Variants in MEF2B observed in about 807,000 individuals in gnomAD.
The protein encoded by MEF2B is myocyte-specific enhancer factor 2B.
Under a neutral mutation model 32.2 loss-of-function variants are expected in MEF2B, and 15 were observed. The ratio of observed to expected loss-of-function variants is 0.47; its 90% confidence interval spans 0.31 to 0.72. The LOEUF (loss-of-function observed/expected upper bound fraction) is 0.72. Among genes scored for constraint, MEF2B ranks in the 30% least tolerant of loss-of-function variants. The probability of loss-of-function intolerance (pLI) is 0.05; values close to 1 mark genes in which losing one functional copy is unlikely to be tolerated. For synonymous variants in MEF2B, 205 were observed against 225.6 expected (o/e 0.91, Z 0.82); for missense variants, 441 against 511.5 (o/e 0.86, Z 1.33).
In MEF2B at chr19:19,145,704, G is replaced by A; in HGVS notation, c.*93C>T. ...CCGCGGAGGGGGGCGTCACTGTTGGGTCTTCTCTGAAGAGGCCTGGAGGGA... is the reference window on the plus strand; with the variant it reads ...CCGCGGAGGGGGGCGTCACTGTTGGATCTTCTCTGAAGAGGCCTGGAGGGA... On this transcript the variant is annotated 3_prime_UTR_variant, in exon 9 of 9. Coordinates refer to ENST00000424583, the MANE Select transcript of MEF2B (RefSeq NM_001145785.2). This position sits in a 1 kb window ranked among gnomAD's most constrained non-coding sequence, Gnocchi z 4.6. 1.9e-6 allele frequency: 3 copies of A among 1,554,654 alleles called. No homozygotes were observed. Among genetic ancestry groups the A allele is most frequent in the African/African-American group, 2.7e-5 (2 of 73,818 alleles).
chr19:19,161,471 C>T (rs909688800), intron 1 of MEF2B, among the ~76,000 whole-genome samples: 1 of 151,870 alleles, frequency 6.6e-6, no homozygotes, highest in African/African-American at 2.4e-5. Flanking sequence ...TACGCCAAAC[C>T]CCCCAACCCA....
At chr19:19,158,322 A>C (rs1367773989) in intron 1 of MEF2B, among the ~76,000 whole-genome samples, 1 of 81,630 alleles carries the variant, frequency 1.2e-5, no homozygotes, top group Non-Finnish European at 2.4e-5. Flanking sequence ...TCCTGGCCTC[A>C]GGTGATCTGC....
intron 1 of MEF2B, among the ~76,000 whole-genome samples, chr19:19,157,767 G>C (rs991461422): frequency 6.6e-6 from 1 of 152,212 alleles, no homozygotes; most frequent in East Asian, 1.9e-4. Flanking sequence ...AGAATAGCTT[G>C]AACCCAGGAG....
At chr19:19,150,621 C>T (rs2060071425) in intron 2 of MEF2B, 61 bp downstream of exon 2, 1 of 1,610,876 alleles carries the variant, frequency 6.2e-7, no homozygotes, top group African/African-American at 1.3e-5. Context: ...AGTCCCTTGC[C>T]TAGGCCATGC....
chr19:19,162,068 A>G (rs1357329284), intron 1 of MEF2B, among the ~76,000 whole-genome samples: 1 of 151,826 alleles, frequency 6.6e-6, no homozygotes, highest in Non-Finnish European at 1.5e-5. Flanking sequence ...TCGGCCTCCC[A>G]AAGTGCTGGG....
chr19:19,165,349 A>G (rs981692257), intron 1 of MEF2B, among the ~76,000 whole-genome samples: 1 of 152,106 alleles, frequency 6.6e-6, no homozygotes, highest in Non-Finnish European at 1.5e-5. Flanking sequence ...AGGCTGAGGT[A>G]TGAGAATTGC....
chr19:19,150,550 C>T (rs2146359044), intron 2 of MEF2B, 132 bp downstream of exon 2: 2 of 971,718 alleles, frequency 2.1e-6, no homozygotes, highest in East Asian at 5.5e-5. Context: ...AAAAGAAAGG[C>T]TGACATGGCA....
intron 1 of MEF2B, among the ~76,000 whole-genome samples, chr19:19,162,409 G>C (rs1339823026): frequency 6.6e-6 from 1 of 152,028 alleles, no homozygotes; most frequent in Non-Finnish European, 1.5e-5. Context: ...CTGGGATTAC[G>C]GGTGTGAGCC....
intron 1 of MEF2B, among the ~76,000 whole-genome samples, chr19:19,154,952 G>A (rs149756767): frequency 8.8e-4 from 134 of 152,312 alleles, no homozygotes; most frequent in Non-Finnish European, 1.1e-3. Context: ...ACTCCAGGGT[G>A]CGTTAGTCCT....
chr19:19,145,891 G>T lies in MEF2B; in HGVS notation c.1013C>A (p.Pro338His). Residue 338 changes from proline to histidine, a missense_variant, in exon 9 of 9, where the codon CCC (proline) becomes CAC (histidine). Pro to His is a moderately conservative substitution (Grantham distance 77). This residue lies in a region of MEF2B where 326 missense variants were observed against 328.4 expected (regional missense o/e 0.99). Transcript: ENST00000424583. The surrounding 1 kb of genome is among the most constrained non-coding windows in gnomAD (Gnocchi z 4.6). ...GGPGDFPKTF[P>H]YPLLLARSLA... ...GGACCGGGCGAGGAGCAAGGGATAG[G>T]GGAAGGTCTTAGGAAAGTCGCCGGG... 6.8e-7 allele frequency: 1 copy of T among 1,464,642 alleles called. No homozygotes were observed. The allele number at this position is 1,464,642 out of a possible 1,614,324, so 90.7% of individuals were successfully genotyped here. A position where few individuals can be genotyped will look rare whatever the true frequency, so the allele number is the denominator to read the frequency against.
intron 1 of MEF2B, 52 bp from the exon 2 acceptor site, chr19:19,150,816 G>A (rs2146359583): frequency 6.2e-7 from 1 of 1,600,068 alleles, no homozygotes; most frequent in East Asian, 2.2e-5. Context: ...AGTGGGGAGG[G>A]GTACCCCAGC....
At chr19:19,169,287 G>A (rs1008180720) in intron 1 of MEF2B, among the ~76,000 whole-genome samples, 2 of 152,018 alleles carry the variant, frequency 1.3e-5, no homozygotes, top group Non-Finnish European at 2.9e-5. Flanking sequence ...CTGGGAGCTG[G>A]AGGTTGCAGT....
intron 1 of MEF2B, among the ~76,000 whole-genome samples, chr19:19,161,678 C>A (rs112310603): frequency 2.5e-3 from 361 of 142,144 alleles, no homozygotes; most frequent in African/African-American, 8.8e-3. Context: ...AATGTGGAGA[C>A]CCCCGCCAGA....
chr19:19,169,182 A>C (rs2060233436), intron 1 of MEF2B, among the ~76,000 whole-genome samples: 1 of 151,938 alleles, frequency 6.6e-6, no homozygotes, highest in African/African-American at 2.4e-5. Context: ...GTGAAAGCCC[A>C]TCTCTACTAA....
intron 1 of MEF2B, among the ~76,000 whole-genome samples, chr19:19,162,149 C>T (rs994073222): frequency 4.6e-5 from 7 of 151,662 alleles, no homozygotes; most frequent in Admixed American, 1.3e-4. Context: ...GATGGGGTCT[C>T]GCTCTGTTGC....
intron 1 of MEF2B, among the ~76,000 whole-genome samples, chr19:19,156,152 G>C (rs2060118945): frequency 6.6e-6 from 1 of 152,168 alleles, no homozygotes; most frequent in Non-Finnish European, 1.5e-5. Context: ...CGTTTATTAA[G>C]TATCAACCTG....
intron 1 of MEF2B, 44 bp downstream of exon 1, chr19:19,170,161 G>A (rs2060242718): frequency 7.5e-6 from 3 of 398,512 alleles, no homozygotes; most frequent in South Asian, 1.3e-4. Flanking sequence ...CGCAGAAGCC[G>A]TTCAGAGGAC....
intron 1 of MEF2B, among the ~76,000 whole-genome samples, chr19:19,164,967 G>A (rs1186794828): frequency 6.6e-6 from 1 of 152,186 alleles, no homozygotes; most frequent in Non-Finnish European, 1.5e-5. Context: ...CAGCCTCCCT[G>A]CTTGGGAAAT....
intron 1 of MEF2B, among the ~76,000 whole-genome samples, chr19:19,160,835 C>T (rs904663678): frequency 6.6e-6 from 1 of 152,184 alleles, no homozygotes; most frequent in African/African-American, 2.4e-5. Context: ...GGGGCTCCAG[C>T]GGCTCCGACC....
Sources: allele counts gnomAD v4.1 joint callset (sites outside exome capture counted in the v4.1 genomes callset), GRCh38; gene constraint gnomAD v4.1.1; regional missense constraint gnomAD v4.1.1; non-coding constraint Gnocchi (gnomAD v3.1); transcripts MANE v1.5; gene names NCBI Gene and HGNC (gene_info 2026-07-23, HGNC 2026-07-21).